Variants in YAE1 observed in about 807,000 individuals in gnomAD.
The protein encoded by YAE1 is YAE1 maturation factor of ABCE1, also known as protein YAE1 homolog.
Under a neutral mutation model 23.0 loss-of-function variants are expected in YAE1, and 22 were observed. The ratio of observed to expected loss-of-function variants is 0.96; its 90% CI spans 0.68 to 1.37. The LOEUF (loss-of-function observed/expected upper bound fraction) is 1.37. YAE1 is among the 40% of genes most tolerant of loss of function. YAE1 has a pLI of 0.00. For missense variants in YAE1, 260 were observed against 262.1 expected, an observed-to-expected ratio of 0.99 and a Z score of 0.06; for synonymous variants, 101 against 97.0, an observed-to-expected ratio of 1.04 and a Z score of -0.24.
downstream of YAE1, among the ~76,000 whole-genome samples, chr7:39,575,575 A>AGAGAGAGAGTGAGAGAGTGAGT (rs1339594299): frequency 1.2e-5 from 1 of 81,728 alleles, no homozygotes; most frequent in African/African-American, 7.3e-5. Flanking sequence ...AGAGAGAGAG[A>AGAGAGAGAGTGAGAGAGTGAGT]GAGTGAGTGT....
intron 2 of YAE1, among the ~76,000 whole-genome samples, chr7:39,596,704 C>T (rs1790979897): frequency 6.6e-6 from 1 of 152,202 alleles, no homozygotes; most frequent in Non-Finnish European, 1.5e-5. Flanking sequence ...TGAAAAGTGC[C>T]TATTTACTTA....
At chr7:39,591,691 G>C (rs141148202) in intron 2 of YAE1, among the ~76,000 whole-genome samples, 1 of 151,076 alleles carries the variant, frequency 6.6e-6, no homozygotes, top group Admixed American at 6.6e-5. Context: ...TATTATCTCC[G>C]ACAGTCCACA....
chr7:39,609,456 A>G (rs4723883), intron 2 of YAE1: 181,549 of 897,166 alleles, frequency 0.2, 21,895 homozygotes, highest in African/African-American at 0.51. Context: ...ATGTTATCAA[A>G]TTGGGAGAAT....
At chr7:39,574,334 A>G (rs1790621188), downstream of YAE1, among the ~76,000 whole-genome samples, 1 of 152,232 alleles carries the variant, frequency 6.6e-6, no homozygotes, top group Non-Finnish European at 1.5e-5. Context: ...ACAGTGGCTC[A>G]CACCTGTAAT....
intron 2 of YAE1, among the ~76,000 whole-genome samples, chr7:39,593,936 G>A (rs1317666529): frequency 6.6e-6 from 1 of 152,166 alleles, no homozygotes. Context: ...TCCTTAGAGT[G>A]TTGGTTGATC....
chr7:39,603,415 G>A (rs568417913), intron 2 of YAE1, among the ~76,000 whole-genome samples: 3 of 152,322 alleles, frequency 2.0e-5, no homozygotes, highest in Non-Finnish European at 4.4e-5. Context: ...TGGGATTACA[G>A]GTGTGAGCCA....
intron 2 of YAE1, among the ~76,000 whole-genome samples, chr7:39,604,695 CTTCT>C (rs1275808956): frequency 1.3e-5 from 2 of 152,094 alleles, no homozygotes; most frequent in African/African-American, 2.4e-5. Flanking sequence ...CAACAGAAAA[CTTCT>C]TTCTTTATAT....
chr7:39,573,293 CAT>C (rs10618009), downstream of YAE1, among the ~76,000 whole-genome samples: 20,250 of 152,044 alleles, frequency 0.13, 1,734 homozygotes, highest in African/African-American at 0.25. Flanking sequence ...TTATGAAAAA[CAT>C]AGAAAATATA....
At chr7:39,592,596 C>G (rs1488672172) in intron 2 of YAE1, among the ~76,000 whole-genome samples, 2 of 152,148 alleles carry the variant, frequency 1.3e-5, no homozygotes, top group Non-Finnish European at 2.9e-5. Flanking sequence ...GTTGAAGCAT[C>G]ATATGTAGGC....
chr7:39,603,324 A>G (rs1791080960), intron 2 of YAE1, among the ~76,000 whole-genome samples: 1 of 152,106 alleles, frequency 6.6e-6, no homozygotes, highest in Non-Finnish European at 1.5e-5. Context: ...ATTTTTTAGT[A>G]GAGACGGGTT....
intron 2 of YAE1, among the ~76,000 whole-genome samples, chr7:39,597,363 A>G (rs1345908522): frequency 1.3e-5 from 2 of 152,158 alleles, no homozygotes; most frequent in Non-Finnish European, 2.9e-5. Context: ...TGAGCCCAAG[A>G]GTTTGAGACC....
At chr7:39,575,702 G>A (rs1008497684), downstream of YAE1, among the ~76,000 whole-genome samples, 9 of 152,182 alleles carry the variant, frequency 5.9e-5, no homozygotes, top group Non-Finnish European at 8.8e-5. Flanking sequence ...TTGCCCCTAC[G>A]TAATGCCTTT....
At chr7:39,578,460 C>T (rs1583672040) in intron 2 of YAE1, among the ~76,000 whole-genome samples, 1 of 152,212 alleles carries the variant, frequency 6.6e-6, no homozygotes, top group African/African-American at 2.4e-5. Flanking sequence ...TGCAATAAAT[C>T]TTTCTGCTGT....
chr7:39,569,703 T>C (rs1792812708), intron 1 of YAE1: 3 of 712,792 alleles, frequency 4.2e-6, no homozygotes, highest in Admixed American at 1.8e-5. Context: ...AAAGTAGTTA[T>C]GGCAAGTCCT....
intron 2 of YAE1, chr7:39,609,500 C>T: frequency 7.3e-7 from 1 of 1,369,050 alleles, no homozygotes; most frequent in Non-Finnish European, 9.7e-7. Context: ...AGAGACAAAT[C>T]TTCGTTATAA....
chr7:39,577,196 T>C (rs955709109), downstream of YAE1, among the ~76,000 whole-genome samples: 1 of 152,230 alleles, frequency 6.6e-6, no homozygotes, highest in African/African-American at 2.4e-5. Context: ...ACACCTGCCT[T>C]ATGTTTGCCT....
At chr7:39,597,340 T>G (rs1234675266) in intron 2 of YAE1, among the ~76,000 whole-genome samples, 1 of 152,036 alleles carries the variant, frequency 6.6e-6, no homozygotes, top group African/African-American at 2.4e-5. Context: ...GAGGTGGAAG[T>G]GAGAGGACTG....
At chr7:39,566,614 G>A in intron 1 of YAE1, 67 bp downstream of exon 1, 1 of 1,598,866 alleles carries the variant, frequency 6.3e-7, no homozygotes, top group Non-Finnish European at 8.5e-7. Flanking sequence ...TGAAGAAGCT[G>A]GGTCCAGAGT....
At chr7:39,579,113 A>G (rs1790704002) in intron 2 of YAE1, among the ~76,000 whole-genome samples, 1 of 152,270 alleles carries the variant, frequency 6.6e-6, no homozygotes, top group South Asian at 2.1e-4. Context: ...GGCAGTGTTT[A>G]CTATATGTAG....
Sources: allele counts gnomAD v4.1 joint callset (sites outside exome capture counted in the v4.1 genomes callset), GRCh38; gene constraint gnomAD v4.1.1; transcripts MANE v1.5; gene names NCBI Gene and HGNC (gene_info 2026-07-23, HGNC 2026-07-21).